The following SLC45A4 variants were observed in gnomAD, a reference collection of about 807,000 sequenced individuals.
SLC45A4 encodes solute carrier family 45 member 4.
SLC45A4 carries 32 observed loss-of-function variants against 63.7 expected under a neutral mutation model. The observed-to-expected ratio is 0.50, with a 90% CI of 0.38 to 0.67. The LOEUF (loss-of-function observed/expected upper bound fraction) is 0.67. SLC45A4 is among the 30% of genes least tolerant of loss of function. SLC45A4 has a pLI of 0.00. For missense variants in SLC45A4, 1,027 were observed against 1,157.7 expected (o/e 0.89, Z 1.64); for synonymous variants, 535 against 510.0 (o/e 1.05, Z -0.66).
intron 4 of SLC45A4, among the ~76,000 whole-genome samples, chr8:141,219,412 A>G (rs1589767966): frequency 6.6e-6 from 1 of 151,662 alleles, no homozygotes; most frequent in South Asian, 2.1e-4. Flanking sequence ...CATGCATGTC[A>G]CCCTCTGCAG....
intron 2 of SLC45A4, among the ~76,000 whole-genome samples, chr8:141,245,867 A>G (rs1203021490): frequency 1.3e-5 from 2 of 152,168 alleles, no homozygotes; most frequent in Non-Finnish European, 2.9e-5. Flanking sequence ...TTGCTTTAGG[A>G]AACTGCCATC....
chr8:141,236,765 T>A lies in SLC45A4; in HGVS notation c.242-15000A>T, dbSNP rs538511990. 2.0e-5 allele frequency among the ~76,000 whole-genome samples: 3 copies of A among 152,254 alleles called. 1 individual carries two copies. The highest frequency in any genetic ancestry group is 2.0e-4 in the Admixed American group (3 of 15,294). Reference sequence around the variant, plus strand: ...CATAATTTAACTTTATTTTGATACATGTTTTAGGGAAATATTAAACATTTA... The same window carrying A: ...CATAATTTAACTTTATTTTGATACAAGTTTTAGGGAAATATTAAACATTTA... On this transcript the variant is annotated intron_variant, in intron 2 of 8. Transcript: ENST00000517878.
chr8:141,268,357 G>A (rs1195445424), intron 1 of SLC45A4, among the ~76,000 whole-genome samples: 1 of 152,184 alleles, frequency 6.6e-6, no homozygotes, highest in East Asian at 1.9e-4. Context: ...TACTCTGTAT[G>A]GCACTCTAAT....
At chr8:141,287,702 TTCAAGA>T (rs1830200909) in intron 1 of SLC45A4, among the ~76,000 whole-genome samples, 4 of 152,208 alleles carry the variant, frequency 2.6e-5, no homozygotes, top group Admixed American at 6.5e-5. Flanking sequence ...TGCCACCCCG[TTCAAGA>T]GCTGCCAAGG....
At chr8:141,267,592 T>C (rs1451318384) in intron 1 of SLC45A4, among the ~76,000 whole-genome samples, 1 of 152,184 alleles carries the variant, frequency 6.6e-6, no homozygotes, top group Non-Finnish European at 1.5e-5. Flanking sequence ...GTCTGCTCAG[T>C]TTCAAAGCAA....
intron 1 of SLC45A4, among the ~76,000 whole-genome samples, chr8:141,258,015 C>G (rs1309713511): frequency 1.3e-5 from 2 of 151,694 alleles, no homozygotes; most frequent in African/African-American, 4.8e-5. Flanking sequence ...GATTTCGGGC[C>G]ACAGATGGTC....
At position 141,265,415 on chromosome 8, in the gene SLC45A4, G is replaced by A. The variant is rs116389774; in HGVS notation, c.-400-10786C>T. Among the ~76,000 whole-genome samples the A allele has an allele frequency of 4.8e-3, 725 of 152,358 alleles. 4 individuals are homozygous for A. Among genetic ancestry groups the A allele is most frequent in the African/African-American group, 0.017 (699 of 41,574 alleles). On this transcript the variant is annotated intron_variant, in intron 1 of 8. Transcript: ENST00000517878. ...GCAGGGAGGGGCTGGGTGCCAGCGC[G>A]GGGCGTGTTCTCACACTGCGCGGGG...
At chr8:141,230,910 A>T (rs1827313890) in intron 2 of SLC45A4, among the ~76,000 whole-genome samples, 1 of 152,130 alleles carries the variant, frequency 6.6e-6, no homozygotes, top group Non-Finnish European at 1.5e-5. Context: ...CCACCCGGGG[A>T]TCCAGGAATG....
At chr8:141,228,369 C>T in intron 2 of SLC45A4, 3 of 1,556,076 alleles carry the variant, frequency 1.9e-6, no homozygotes, top group Non-Finnish European at 2.6e-6. Context: ...AACAGCCTGG[C>T]TAGAGGCCCC....
At chr8:141,298,985 C>T (rs2154615421) in intron 1 of SLC45A4, among the ~76,000 whole-genome samples, 1 of 152,274 alleles carries the variant, frequency 6.6e-6, no homozygotes, top group East Asian at 1.9e-4. Flanking sequence ...GGCTCCTCTC[C>T]CTCACCAGTG....
At chr8:141,305,531 C>T (rs1243904705) in intron 1 of SLC45A4, among the ~76,000 whole-genome samples, 1 of 151,918 alleles carries the variant, frequency 6.6e-6, no homozygotes, top group African/African-American at 2.4e-5. Flanking sequence ...CGGCTTCCAG[C>T]ATATTCTGCC....
chr8:141,270,393 G>C (rs1411625033), intron 1 of SLC45A4, among the ~76,000 whole-genome samples: 1 of 142,976 alleles, frequency 7.0e-6, no homozygotes, highest in East Asian at 2.1e-4. Context: ...AAAAAAAAAG[G>C]CTCGGCGCGG....
intron 2 of SLC45A4, among the ~76,000 whole-genome samples, chr8:141,241,122 TCTC>T (rs1194891281): frequency 6.6e-6 from 1 of 152,166 alleles, no homozygotes; most frequent in African/African-American, 2.4e-5. Context: ...TTTTTAAAAG[TCTC>T]CTCCAGAAGT....
chr8:141,241,442 G>A (rs1359472069), intron 2 of SLC45A4, among the ~76,000 whole-genome samples: 2 of 152,208 alleles, frequency 1.3e-5, no homozygotes, highest in East Asian at 1.9e-4. Context: ...GACAGGAGTG[G>A]ACGGAAACCT....
Position 141,221,697 on chromosome 8 carries a change from G to A in SLC45A4, c.310C>T (p.Leu104Phe). 4 of 1,614,146 alleles carry A rather than the reference G, an allele frequency of 2.5e-6. No homozygotes were observed. The highest frequency in any genetic ancestry group is 3.4e-6 in the Non-Finnish European group (4 of 1,180,040). The change falls in exon 3 of 9, where the codon CTC (leucine) becomes TTC (phenylalanine). Residue 104 changes from leucine (L) to phenylalanine (F), a missense_variant. Leu to Phe is a conservative substitution (Grantham distance 22). Transcript: ENST00000517878. ...SPILGLIFTPLIGSASDRCTL... is the reference protein window; with the variant it reads ...SPILGLIFTPFIGSASDRCTL... ...CACCGGTCACTCGCAGACCCAATGA[G>A]AGGTGTGAAGATGAGGCCAAGGATG... is the stretch of plus-strand genomic sequence containing the variant.
chr8:141,245,172 ATG>A (rs758672595), intron 2 of SLC45A4, among the ~76,000 whole-genome samples: 3 of 152,182 alleles, frequency 2.0e-5, no homozygotes, highest in Non-Finnish European at 2.9e-5. Context: ...AGCACATCAT[ATG>A]TGTCAACTCT....
intron 2 of SLC45A4, among the ~76,000 whole-genome samples, chr8:141,241,500 G>A (rs926620364): frequency 5.3e-5 from 8 of 152,176 alleles, no homozygotes; most frequent in Non-Finnish European, 1.0e-4. Context: ...TGGTGAAGGC[G>A]CTGTCCATTT....
chr8:141,228,483 C>G lies in SLC45A4; in HGVS notation c.242-6718G>C, dbSNP rs1357724339. On this transcript the variant is annotated intron_variant, in intron 2 of 8. Transcript: ENST00000517878. ...GACCCTGTGTCCAGCTTGTGGGCAC[C>G]TGTCTTCACTGGCAGGCACCTGTCT... The G allele has an allele frequency of 1.9e-5, 25 of 1,336,996 alleles. No individual in the cohort carries two copies. The South Asian group carries it at 4.0e-4, about 21-fold the overall frequency. 82.8% of individuals were successfully genotyped at this position (1,336,996 alleles called of 1,614,324 possible).
At chr8:141,277,164 C>A (rs1829760742) in intron 1 of SLC45A4, among the ~76,000 whole-genome samples, 1 of 152,258 alleles carries the variant, frequency 6.6e-6, no homozygotes, top group Non-Finnish European at 1.5e-5. Context: ...GCCACACACG[C>A]CGGCCACATG....
Sources: gnomAD v4.1 joint callset for allele counts (sites outside exome capture counted in the v4.1 genomes callset) on GRCh38, gnomAD v4.1.1 for gene constraint, MANE v1.5 for transcripts, NCBI Gene and HGNC (gene_info 2026-07-23, HGNC 2026-07-21) for gene names.